The following CSMD1 variants were observed in gnomAD, a reference collection of about 807,000 sequenced individuals.
CSMD1 encodes the protein CUB and sushi domain-containing protein 1.
Under a neutral mutation model 417.5 loss-of-function variants are expected in CSMD1, and 213 were observed. The ratio of observed to expected loss-of-function variants is 0.51; its 90% CI spans 0.46 to 0.57. The LOEUF (loss-of-function observed/expected upper bound fraction) is 0.57, where lower values mean the gene tolerates loss of function less well. Ranked by LOEUF, CSMD1 falls within the 20% of genes least tolerant of loss-of-function variation. The pLI is 0.00. For synonymous variants in CSMD1, 2,862 were observed against 1,736.8 expected, an observed-to-expected ratio of 1.65 and a Z score of -16.11; for missense variants, 6,923 against 4,529.7, an observed-to-expected ratio of 1.53 and a Z score of -15.17.
intron 1 of CSMD1, among the ~76,000 whole-genome samples, chr8:4,954,523 T>C (rs951467603): frequency 1.3e-5 from 2 of 152,176 alleles, no homozygotes; most frequent in Non-Finnish European, 2.9e-5. Flanking sequence ...CCTCAATTCA[T>C]CTATAGATTT....
At chr8:3,766,415 C>G (rs1213805433) in intron 5 of CSMD1, among the ~76,000 whole-genome samples, 1 of 152,158 alleles carries the variant, frequency 6.6e-6, no homozygotes, top group Non-Finnish European at 1.5e-5. Flanking sequence ...TTGGCTGTAT[C>G]CAATGTCCTG....
Position 3,956,368 on chromosome 8 carries a change from T to A in CSMD1, c.818+41535A>T, listed in dbSNP as rs570942139. On this transcript the variant is annotated intron_variant, in intron 5 of 69. Transcript: ENST00000635120. ...TTAGTCAGTTGCCTTATAGAACAAT[T>A]AGAAGTGAGAGAGCTAGAATTTGAA... Among the ~76,000 whole-genome samples, 4 of 152,200 alleles carry A rather than the reference T, an allele frequency of 2.6e-5. No individual in the cohort carries two copies. The East Asian group carries it at 7.8e-4, about 30-fold the overall frequency.
chr8:3,786,686 C>T (rs971240650), intron 5 of CSMD1, among the ~76,000 whole-genome samples: 7 of 152,254 alleles, frequency 4.6e-5, no homozygotes, highest in Middle Eastern at 6.8e-3. Context: ...GTGGCTTAAA[C>T]GAAAACCATG....
intron 5 of CSMD1, among the ~76,000 whole-genome samples, chr8:3,864,417 A>T (rs555435884): frequency 2.0e-5 from 3 of 152,224 alleles, no homozygotes; most frequent in African/African-American, 4.8e-5. Context: ...GAGAAAAAGC[A>T]TGAGAAGAAA....
At chr8:3,701,137 G>C (rs564841270) in intron 7 of CSMD1, among the ~76,000 whole-genome samples, 3 of 151,968 alleles carry the variant, frequency 2.0e-5, no homozygotes, top group Non-Finnish European at 2.9e-5. Context: ...AAGAGGGAGA[G>C]AGATGCCTGT....
Position 3,265,482 on chromosome 8 carries a change from G to A in CSMD1, c.4153+18662C>T, listed in dbSNP as rs563243662. On this transcript the variant is annotated intron_variant, in intron 26 of 69. Coordinates refer to ENST00000635120, the MANE Select transcript of CSMD1 (RefSeq NM_033225.6). ...TTCCTAAACAGAGTGGTGTTTAACCGCAACCTGTCATGAGAACAGAAGGGG... is the reference window on the plus strand; with the variant it reads ...TTCCTAAACAGAGTGGTGTTTAACCACAACCTGTCATGAGAACAGAAGGGG... Among the ~76,000 whole-genome samples the A allele has an allele frequency of 3.3e-5, 5 of 152,236 alleles. No homozygotes were observed. In the East Asian group the frequency reaches 5.8e-4, roughly 18 times the overall value.
Position 2,980,786 on chromosome 8 carries a change from G to A in CSMD1, c.8378-1986C>T, listed in dbSNP as rs116314004. 1.0e-3 allele frequency among the ~76,000 whole-genome samples: 154 copies of A among 152,308 alleles called. 1 individual carries two copies. The highest frequency in any genetic ancestry group is 3.4e-3 in the African/African-American group (142 of 41,570). On this transcript the variant is annotated intron_variant, in intron 54 of 69. Coordinates refer to ENST00000635120, the MANE Select transcript of CSMD1 (RefSeq NM_033225.6). ...ACCCCTCATTCTTGTAAATCATTTT[G>A]CAACCTTACATTGCATTAGAATTGC...
At chr8:4,169,835 T>G (rs1797666016) in intron 3 of CSMD1, among the ~76,000 whole-genome samples, 1 of 152,136 alleles carries the variant, frequency 6.6e-6, no homozygotes, top group Non-Finnish European at 1.5e-5. Context: ...CTTCCTGAAT[T>G]ATTTCCATAG....
intron 2 of CSMD1, among the ~76,000 whole-genome samples, chr8:4,464,864 GTTTTATTAGTT>G: frequency 6.6e-6 from 1 of 152,186 alleles, no homozygotes; most frequent in South Asian, 2.1e-4. Context: ...TGCTGTGTTA[GTTTTATTAGTT>G]TTTTATTAGT....
intron 3 of CSMD1, among the ~76,000 whole-genome samples, chr8:4,050,668 AC>A (rs1798379066): frequency 6.6e-6 from 1 of 151,904 alleles, no homozygotes; most frequent in African/African-American, 2.4e-5. Context: ...CTTTTTTTGG[AC>A]CCATTACACA....
At chr8:4,074,174 G>C (rs990757704) in intron 3 of CSMD1, among the ~76,000 whole-genome samples, 41 of 151,902 alleles carry the variant, frequency 2.7e-4, no homozygotes, top group African/African-American at 9.4e-4. Context: ...AACTTGTATG[G>C]TCCAAATTAG....
chr8:2,994,972 T>C (rs976947358), intron 54 of CSMD1, among the ~76,000 whole-genome samples: 25 of 152,018 alleles, frequency 1.6e-4, no homozygotes, highest in Non-Finnish European at 8.8e-5. Flanking sequence ...ATAGACAAAA[T>C]AGAGGAACAC....
chr8:4,200,588 G>A (rs908779025), intron 3 of CSMD1, among the ~76,000 whole-genome samples: 4 of 152,142 alleles, frequency 2.6e-5, no homozygotes, highest in Admixed American at 2.6e-4. Flanking sequence ...CGGGCCTGGA[G>A]GCTCATGCCT....
chr8:4,710,469 T>TATAC (rs1808215861), intron 1 of CSMD1, among the ~76,000 whole-genome samples: 1 of 147,830 alleles, frequency 6.8e-6, no homozygotes, highest in Admixed American at 6.8e-5. Context: ...GAATATTATA[T>TATAC]ATATATATAT....
At chr8:3,788,100 G>T (rs987226017) in intron 5 of CSMD1, among the ~76,000 whole-genome samples, 1 of 152,114 alleles carries the variant, frequency 6.6e-6, no homozygotes, top group Non-Finnish European at 1.5e-5. Context: ...GACTTGCAAC[G>T]CTTAGTTCTA....
At chr8:2,942,301 A>T (rs1801927602) in intron 69 of CSMD1, among the ~76,000 whole-genome samples, 171 bp downstream of exon 69, 1 of 152,014 alleles carries the variant, frequency 6.6e-6, no homozygotes, top group South Asian at 2.1e-4. Context: ...AAACCTGCAC[A>T]TCCGGCACGT....
chr8:4,781,187 T>C (rs1378238524), intron 1 of CSMD1, among the ~76,000 whole-genome samples: 1 of 152,056 alleles, frequency 6.6e-6, no homozygotes, highest in African/African-American at 2.4e-5. Context: ...CAAATACATC[T>C]CCGCAAGAAA....
intron 50 of CSMD1, among the ~76,000 whole-genome samples, chr8:3,045,961 A>G (rs1406843844): frequency 3.3e-5 from 5 of 152,192 alleles, no homozygotes; most frequent in Non-Finnish European, 2.9e-5. Context: ...GTAATTACCA[A>G]TATGGTGTGT....
At chr8:4,925,677 G>A (rs1043443771) in intron 1 of CSMD1, among the ~76,000 whole-genome samples, 5 of 151,840 alleles carry the variant, frequency 3.3e-5, no homozygotes, top group African/African-American at 7.3e-5. Context: ...CTCCCAAGTA[G>A]CTGGGACTAC....
Sources: allele counts gnomAD v4.1 joint callset (sites outside exome capture counted in the v4.1 genomes callset), GRCh38; gene constraint gnomAD v4.1.1; transcripts MANE v1.5; gene names NCBI Gene and HGNC (gene_info 2026-07-23, HGNC 2026-07-21).